RIN3: variants seen among roughly 807,000 people sequenced by gnomAD.
RIN3 encodes RAB5 interacting protein 3.
A neutral mutation model predicts 76.3 loss-of-function variants in RIN3; 54 were observed. The observed-to-expected ratio is 0.71, with a 90% confidence interval of 0.57 to 0.89. The LOEUF (loss-of-function observed/expected upper bound fraction) is 0.89, where lower values mean the gene tolerates loss of function less well. RIN3 is among the 40% of genes least tolerant of loss of function. The probability of loss-of-function intolerance (pLI) is 0.00; values close to 1 mark genes in which losing one functional copy is unlikely to be tolerated. For missense variants in RIN3, 1,256 were observed against 1,322.1 expected, an observed-to-expected ratio of 0.95 and a Z score of 0.78; for synonymous variants, 576 against 564.0, an observed-to-expected ratio of 1.02 and a Z score of -0.30.
intron 5 of RIN3, chr14:92,644,845 G>A (rs774556050): frequency 6.6e-6 from 1 of 152,232 alleles, no homozygotes; most frequent in Non-Finnish European, 1.5e-5. Context: ...ATGTGAAATA[G>A]TGATAATAAA....
At chr14:92,649,688 G>A (rs566308960) in intron 5 of RIN3, among the ~76,000 whole-genome samples, 4 of 152,206 alleles carry the variant, frequency 2.6e-5, no homozygotes, top group Non-Finnish European at 5.9e-5. Flanking sequence ...AGAGCAGCTC[G>A]TCCAGGCCCT....
chr14:92,560,791 G>T (rs1897740517), intron 2 of RIN3, among the ~76,000 whole-genome samples: 1 of 151,648 alleles, frequency 6.6e-6, no homozygotes. Context: ...GGCCAAGGCG[G>T]GTGGATCACC....
intron 3 of RIN3, among the ~76,000 whole-genome samples, chr14:92,606,466 A>G (rs1885529309): frequency 6.6e-6 from 1 of 152,068 alleles, no homozygotes; most frequent in Admixed American, 6.6e-5. Context: ...GATTGCTTAA[A>G]CCCAGGATGT....
chr14:92,665,447 C>T (rs931442262), intron 7 of RIN3, among the ~76,000 whole-genome samples: 14 of 142,226 alleles, frequency 9.8e-5, no homozygotes, highest in East Asian at 2.1e-4. Context: ...GGCGCAATCT[C>T]GGCTCACTGC....
intron 1 of RIN3, among the ~76,000 whole-genome samples, chr14:92,537,850 T>G (rs1444785020): frequency 6.6e-6 from 1 of 151,104 alleles, no homozygotes; most frequent in Non-Finnish European, 1.5e-5. Context: ...TATTTTTTTT[T>G]TTTTGAGACG....
chr14:92,577,406 G>A lies in RIN3; in HGVS notation c.296G>A (p.Cys99Tyr). ...RDSSSKQLVL[C>Y]VHFPSLNESS... The stretch of plus-strand genomic sequence containing the variant: ...AGCAGCTCGAAGCAGCTGGTGCTCT[G>A]TGTCCACTTTCCTTCTCTGAACGAA... The change falls in exon 3 of 10, where the codon TGT (cysteine) becomes TAT (tyrosine). Residue 99 changes from cysteine to tyrosine, a missense_variant. Coordinates refer to ENST00000216487, the MANE Select transcript of RIN3 (RefSeq NM_024832.5). The A allele has an allele frequency of 6.8e-6, 11 of 1,613,842 alleles. No individual in the cohort carries two copies. Among genetic ancestry groups the A allele is most frequent in the Non-Finnish European group, 8.5e-6 (10 of 1,179,840 alleles).
intron 4 of RIN3, among the ~76,000 whole-genome samples, chr14:92,634,856 TAA>T (rs11383121): frequency 7.7e-5 from 10 of 130,244 alleles, no homozygotes; most frequent in African/African-American, 5.6e-5. Context: ...AGACTCTATC[TAA>T]AAAAAAAAAA....
chr14:92,684,982 C>A lies in RIN3; in HGVS notation c.2468-5C>A. ...GGCTCAGATTCCACACCCTTGTCCACGCAGGTTCCTACTATCTGACCACCA... is the reference window on the plus strand; with the variant it reads ...GGCTCAGATTCCACACCCTTGTCCAAGCAGGTTCCTACTATCTGACCACCA... On this transcript the variant is annotated splice_region_variant and splice_polypyrimidine_tract_variant and intron_variant, in intron 8 of 9. Transcript: ENST00000216487. 1 of 1,608,432 alleles carries A rather than the reference C, an allele frequency of 6.2e-7. No individual in the cohort carries two copies. The highest frequency in any genetic ancestry group is 1.1e-5 in the South Asian group (1 of 90,954).
intron 1 of RIN3, among the ~76,000 whole-genome samples, chr14:92,545,014 A>G (rs1054937101): frequency 4.1e-5 from 6 of 145,686 alleles, no homozygotes; most frequent in African/African-American, 1.3e-4. Flanking sequence ...AAATGTTTTC[A>G]TTCCTTCCGT....
intron 3 of RIN3, among the ~76,000 whole-genome samples, chr14:92,608,558 A>G (rs1438090488): frequency 6.6e-6 from 1 of 151,060 alleles, no homozygotes; most frequent in East Asian, 1.9e-4. Context: ...TTTTTGAGAC[A>G]GAGTCTCACT....
intron 4 of RIN3, among the ~76,000 whole-genome samples, chr14:92,625,532 G>T (rs982050161): frequency 2.6e-5 from 4 of 152,144 alleles, no homozygotes; most frequent in Non-Finnish European, 1.5e-5. Context: ...GGGTGAGGTG[G>T]TCTACTATTA....
At chr14:92,615,317 C>A in intron 3 of RIN3, 90 bp from the exon 4 acceptor site, 1 of 1,054,610 alleles carries the variant, frequency 9.5e-7, no homozygotes, top group Non-Finnish European at 1.5e-6. Flanking sequence ...GCAGCAGACA[C>A]GCCCCCCGAC....
At chr14:92,664,709 TG>T (rs1461558491) in intron 7 of RIN3, among the ~76,000 whole-genome samples, 5 of 152,152 alleles carry the variant, frequency 3.3e-5, no homozygotes, top group Admixed American at 3.3e-4. Flanking sequence ...CATAATGTTT[TG>T]TCTGAATAGC....
At chr14:92,561,620 C>T (rs1051498822) in intron 2 of RIN3, among the ~76,000 whole-genome samples, 1 of 152,128 alleles carries the variant, frequency 6.6e-6, no homozygotes, top group Non-Finnish European at 1.5e-5. Context: ...GGTACATTCG[C>T]CACAATTAAG....
intron 3 of RIN3, among the ~76,000 whole-genome samples, chr14:92,594,334 A>G (rs1286956046): frequency 6.6e-6 from 1 of 151,650 alleles, no homozygotes; most frequent in African/African-American, 2.4e-5. Flanking sequence ...CAGGAGGCTG[A>G]GGCAGGAGAA....
rs2140111926 is a variant in RIN3, at chr14:92,623,342, A to G, written c.440+7863A>G. Among the ~76,000 whole-genome samples, 1 of 152,334 alleles carries G rather than the reference A, an allele frequency of 6.6e-6. No homozygotes were observed. ...TAAGGCCATTCTGTTTTCCCAAGCC[A>G]TTTGGCTAGTAGGCCCTAATTGTTC... On this transcript the variant is annotated intron_variant, in intron 4 of 9. Transcript: ENST00000216487. This position sits in a 1 kb window ranked among gnomAD's most constrained non-coding sequence, Gnocchi z 4.9.
rs758118704 is a variant in RIN3 at position 92,659,388 on chromosome 14, G to T, written c.2254G>T (p.Ala752Ser). The change falls in exon 7 of 10, where the codon GCC becomes TCC. Residue 752 changes from alanine (A) to serine (S), a missense_variant. This residue lies in a region of RIN3 where 428 missense variants were observed against 521.2 expected (regional missense o/e 0.82). Coordinates refer to ENST00000216487, the MANE Select transcript of RIN3 (RefSeq NM_024832.5). ...GCAGAAGTTCACCAGCATGCACAAGGCCTACTCACCTGAGAAGAAGATCTC... is the reference window on the plus strand; with the variant it reads ...GCAGAAGTTCACCAGCATGCACAAGTCCTACTCACCTGAGAAGAAGATCTC... ...ILQKFTSMHK[A>S]YSPEKKISIL... 1 of 1,613,636 alleles carries T rather than the reference G, an allele frequency of 6.2e-7. No individual in the cohort carries two copies. Among genetic ancestry groups the T allele is most frequent in the South Asian group, 1.1e-5 (1 of 91,010 alleles).
intron 6 of RIN3, among the ~76,000 whole-genome samples, chr14:92,658,771 G>A (rs1887766263): frequency 6.6e-6 from 1 of 152,198 alleles, no homozygotes. Context: ...AATTCCACCA[G>A]TCATTTACTG....
intron 2 of RIN3, among the ~76,000 whole-genome samples, chr14:92,564,124 C>T (rs2140044644): frequency 6.6e-6 from 1 of 152,300 alleles, no homozygotes; most frequent in South Asian, 2.1e-4. Flanking sequence ...CCTAAAATAA[C>T]AGAAGTGGAA....
Sources: gnomAD v4.1 joint callset for allele counts (sites outside exome capture counted in the v4.1 genomes callset) on GRCh38, gnomAD v4.1.1 for gene constraint, gnomAD v4.1.1 regional missense constraint, Gnocchi (gnomAD v3.1) non-coding constraint, MANE v1.5 for transcripts, NCBI Gene and HGNC (gene_info 2026-07-23, HGNC 2026-07-21) for gene names.